ZNF721: variants seen among roughly 807,000 people sequenced by gnomAD.
ZNF721 encodes zinc finger protein 721.
In ZNF721, 2 loss-of-function variants were observed where a neutral mutation model predicts 2.4. The ratio of observed to expected loss-of-function variants is 0.82; its 90% CI spans 0.34 to 2.58. The LOEUF (loss-of-function observed/expected upper bound fraction) is 2.58. Ranked by LOEUF, ZNF721 falls within the 30% of genes most tolerant of loss-of-function variation. ZNF721 has a pLI of 0.11. For synonymous variants in ZNF721, 398 were observed against 381.8 expected, an observed-to-expected ratio of 1.04 and a Z score of -0.50; for missense variants, 1,187 against 1,085.5, an observed-to-expected ratio of 1.09 and a Z score of -1.31.
Position 481,822 on chromosome 4 carries a change from T to A in ZNF721, c.-93-9121A>T, listed in dbSNP as rs1188744686. Among the ~76,000 whole-genome samples, 3 of 152,214 alleles carry A rather than the reference T, an allele frequency of 2.0e-5. No homozygotes were observed. The East Asian group carries it at 5.8e-4, about 29-fold the overall frequency. On this transcript the variant is annotated intron_variant, in intron 1 of 2. Coordinates refer to ENST00000511833, the MANE Select transcript of ZNF721 (RefSeq NM_133474.4). ...CTCACAGACAAACACCCAGAATCTG[T>A]GCTTCTCAGCTGTGGTGCCTGTGCA...
intron 1 of ZNF721, among the ~76,000 whole-genome samples, chr4:493,144 G>A (rs1240024703): frequency 1.4e-5 from 2 of 144,164 alleles, no homozygotes; most frequent in Non-Finnish European, 3.0e-5. Context: ...TTGTGAAACC[G>A]CCATTGCAAA....
chr4:440,235 TTTCTC>T lies in ZNF721; in HGVS notation c.*1455_*1459del, dbSNP rs1198030660. 1.3e-5 allele frequency: 2 copies of T among 152,184 alleles called. No homozygotes were observed. The highest frequency in any genetic ancestry group is 2.9e-5 in the Non-Finnish European group (2 of 68,036). 9.4% of individuals were successfully genotyped at this position (152,184 alleles called of 1,614,324 possible). On this transcript the variant is annotated 3_prime_UTR_variant, in exon 3 of 3. Transcript: ENST00000511833. ...TCAGATTTTCCTGGTGCATCTTTTA[TTTCTC>T]TTCTCTTTCATGTAGAAGTCTATGA...
At chr4:498,622 A>G (rs1716439260) in intron 1 of ZNF721, among the ~76,000 whole-genome samples, 1 of 152,240 alleles carries the variant, frequency 6.6e-6, no homozygotes, top group Non-Finnish European at 1.5e-5. Flanking sequence ...GCAAAATAAG[A>G]CACAGAAAGA....
intron 2 of ZNF721, among the ~76,000 whole-genome samples, chr4:466,853 C>A (rs1715268433): frequency 6.6e-6 from 1 of 152,164 alleles, no homozygotes; most frequent in Non-Finnish European, 1.5e-5. Flanking sequence ...CGCCACAGAT[C>A]CAAACCATAT....
intron 2 of ZNF721, among the ~76,000 whole-genome samples, chr4:463,982 C>T (rs1268933834): frequency 6.6e-6 from 1 of 151,788 alleles, no homozygotes; most frequent in African/African-American, 2.4e-5. Flanking sequence ...TAAAAAATCT[C>T]GATAAGATGC....
At position 444,369 on chromosome 4, in the gene ZNF721, T is replaced by C; in HGVS notation, c.98A>G (p.Lys33Arg). 2.5e-6 allele frequency: 4 copies of C among 1,612,990 alleles called. No individual in the cohort carries two copies. Among genetic ancestry groups the C allele is most frequent in the African/African-American group, 1.3e-5 (1 of 75,000 alleles). Residue 33 changes from lysine to arginine, a missense_variant, in exon 3 of 3, where the codon AAA becomes AGA. Coordinates refer to ENST00000511833, the MANE Select transcript of ZNF721 (RefSeq NM_133474.4). ...PVQGIEDSFH[K>R]LILRRYEKCG... The stretch of plus-strand genomic sequence containing the variant: ...TTTCTCATATCTTCTCAGTATAAGT[T>C]TGTGGAATGAATCTTCTATCCCCTG...
intron 2 of ZNF721, among the ~76,000 whole-genome samples, chr4:447,329 A>G (rs1320575012): frequency 6.6e-6 from 1 of 152,000 alleles, no homozygotes; most frequent in African/African-American, 2.4e-5. Flanking sequence ...CTCAAAATAA[A>G]TAAATAAATA....
intron 2 of ZNF721, among the ~76,000 whole-genome samples, chr4:462,120 CAGAG>C (rs1270269261): frequency 2.6e-5 from 4 of 152,088 alleles, no homozygotes; most frequent in African/African-American, 7.2e-5. Flanking sequence ...AATAGACAAA[CAGAG>C]AGCCAAATCA....
intron 1 of ZNF721, chr4:473,904 C>A: frequency 6.8e-7 from 1 of 1,463,970 alleles, no homozygotes; most frequent in Non-Finnish European, 9.2e-7. Context: ...TTCGCAGACT[C>A]AGTCCCGCCG....
chr4:490,895 A>C (rs1716003605), intron 1 of ZNF721, among the ~76,000 whole-genome samples: 1 of 151,474 alleles, frequency 6.6e-6, no homozygotes, highest in Non-Finnish European at 1.5e-5. Context: ...TGGAGGTTGC[A>C]GTGAGCCAAG....
intron 1 of ZNF721, among the ~76,000 whole-genome samples, chr4:492,211 G>A (rs1716042867): frequency 6.6e-6 from 1 of 151,372 alleles, no homozygotes; most frequent in South Asian, 2.1e-4. Flanking sequence ...TTAAATTTCA[G>A]TTTTTTCCTA....
At chr4:477,881 T>C (rs936474550) in intron 1 of ZNF721, among the ~76,000 whole-genome samples, 31 of 152,298 alleles carry the variant, frequency 2.0e-4, no homozygotes, top group African/African-American at 7.2e-4. Context: ...TAGATAGGAC[T>C]GCTATAGATC....
chr4:475,804 CTA>C (rs1483965086), intron 1 of ZNF721, among the ~76,000 whole-genome samples: 1 of 151,798 alleles, frequency 6.6e-6, no homozygotes, highest in Non-Finnish European at 1.5e-5. Flanking sequence ...TACTAACGTG[CTA>C]TTTCTAACAC....
chr4:440,419 A>C lies in ZNF721; in HGVS notation c.*1276T>G, dbSNP rs1714193547. The C allele has an allele frequency of 6.6e-6, 1 of 152,188 alleles. No individual in the cohort carries two copies. Among genetic ancestry groups the C allele is most frequent in the African/African-American group, 2.4e-5 (1 of 41,452 alleles). 9.4% of individuals were successfully genotyped at this position (152,188 alleles called of 1,614,324 possible). On this transcript the variant is annotated 3_prime_UTR_variant, in exon 3 of 3. Coordinates refer to ENST00000511833, the MANE Select transcript of ZNF721 (RefSeq NM_133474.4). ...AATTTTTACTTTTTTCAAGTGAAAA[A>C]ATATATTTCGAATATATCTCTTCAA...
chr4:481,961 T>C (rs1715782339), intron 1 of ZNF721, among the ~76,000 whole-genome samples: 1 of 152,240 alleles, frequency 6.6e-6, no homozygotes, highest in South Asian at 2.1e-4. Context: ...TTACTTAATT[T>C]GATCAGAAAA....
At chr4:479,996 TG>T (rs1715732793) in intron 1 of ZNF721, among the ~76,000 whole-genome samples, 2 of 152,192 alleles carry the variant, frequency 1.3e-5, no homozygotes, top group Admixed American at 1.3e-4. Flanking sequence ...GTAGGTTTCT[TG>T]GTGTCAGTGT....
chr4:466,620 T>C (rs1472416666), intron 2 of ZNF721, among the ~76,000 whole-genome samples: 6 of 152,174 alleles, frequency 3.9e-5, no homozygotes, highest in African/African-American at 1.4e-4. Flanking sequence ...TAGTTCCTGT[T>C]TCTGTAGAAA....
In ZNF721 at chr4:442,486, T is replaced by C; in HGVS notation, c.1981A>G (p.Lys661Glu). The C allele has an allele frequency of 1.2e-6, 2 of 1,612,986 alleles. No individual in the cohort carries two copies. The highest frequency in any genetic ancestry group is 1.7e-6 in the Non-Finnish European group (2 of 1,179,036). Residue 661 changes from lysine (K) to glutamate (E), a missense_variant, in exon 3 of 3, where the codon AAA becomes GAA. By Grantham distance (56) the Lys-to-Glu change is moderately conservative (BLOSUM62 1). Coordinates refer to ENST00000511833, the MANE Select transcript of ZNF721 (RefSeq NM_133474.4). ...APSTDLNQHT[K>E]ILTGEQSYKC... The stretch of plus-strand genomic sequence containing the variant: ...TAACTTTGCTCTCCAGTAAGAATTT[T>C]CGTGTGTTGATTCAGGTCTGTTGAT...
chr4:487,428 A>G (rs1265248066), intron 1 of ZNF721, among the ~76,000 whole-genome samples: 1 of 152,210 alleles, frequency 6.6e-6, no homozygotes, highest in Admixed American at 6.5e-5. Flanking sequence ...ATTCACCAGC[A>G]TCTGACCACT....
Sources: allele counts gnomAD v4.1 joint callset (sites outside exome capture counted in the v4.1 genomes callset), GRCh38; gene constraint gnomAD v4.1.1; transcripts MANE v1.5; gene names NCBI Gene and HGNC (gene_info 2026-07-23, HGNC 2026-07-21).